The following VPS53 variants were observed in gnomAD, a reference collection of about 807,000 sequenced individuals.
The protein encoded by VPS53 is VPS53 subunit of GARP complex.
In VPS53, 70 loss-of-function variants were observed where a neutral mutation model predicts 107.0. The observed-to-expected ratio is 0.65, with a 90% confidence interval of 0.54 to 0.80. VPS53 has a LOEUF of 0.80. Ranked by LOEUF, VPS53 falls within the 30% of genes least tolerant of loss-of-function variation. VPS53 has a pLI of 0.00. For missense variants in VPS53, 917 were observed against 1,049.4 expected (o/e 0.87, Z 1.74); for synonymous variants, 409 against 393.3 (o/e 1.04, Z -0.47).
chr17:535,544 T>G (rs892776136), intron 18 of VPS53, among the ~76,000 whole-genome samples: 1 of 152,196 alleles, frequency 6.6e-6, no homozygotes, highest in Admixed American at 6.5e-5. Context: ...ACGCTGGGAC[T>G]GGCTAAGTCA....
At chr17:690,671 G>T (rs1306162816) in intron 4 of VPS53, among the ~76,000 whole-genome samples, 1 of 152,184 alleles carries the variant, frequency 6.6e-6, no homozygotes, top group Non-Finnish European at 1.5e-5. Context: ...AGCCAACCAT[G>T]TAATACGGCT....
chr17:593,055 G>C (rs1332086630), intron 12 of VPS53, among the ~76,000 whole-genome samples: 1 of 152,034 alleles, frequency 6.6e-6, no homozygotes, highest in East Asian at 1.9e-4. Context: ...ACAAGAAATG[G>C]GGAAAGGATT....
chr17:597,990 C>CCCACGGTCTCCCTCTCG (rs1567661908), intron 12 of VPS53, among the ~76,000 whole-genome samples: 1 of 22,186 alleles, frequency 4.5e-5, no homozygotes. Flanking sequence ...TCTCCCTCTC[C>CCCACGGTCTCCCTCTCG]CTCTCTTTCC....
At chr17:627,024 G>T (rs1008447477) in intron 10 of VPS53, 150 bp downstream of exon 10, 2 of 1,019,298 alleles carry the variant, frequency 2.0e-6, no homozygotes, top group Non-Finnish European at 1.4e-6. Context: ...CAGCTGGTGG[G>T]GCCACTGTGG....
At chr17:546,870 C>CTTTT (rs60940748) in intron 17 of VPS53, among the ~76,000 whole-genome samples, 3 of 83,334 alleles carry the variant, frequency 3.6e-5, no homozygotes, top group Non-Finnish European at 6.6e-5. Context: ...CCCTTAGATC[C>CTTTT]TTTTTTTTTT....
chr17:524,735 C>T lies in VPS53; in HGVS notation c.2086-2997G>A, dbSNP rs1490248491. Among the ~76,000 whole-genome samples the T allele has an allele frequency of 6.6e-6, 1 of 152,192 alleles. No homozygotes were observed. Among genetic ancestry groups the T allele is most frequent in the Non-Finnish European group, 1.5e-5 (1 of 68,034 alleles). On this transcript the variant is annotated intron_variant, in intron 19 of 21. Coordinates refer to ENST00000437048, the MANE Select transcript of VPS53 (RefSeq NM_001128159.3). The surrounding 1 kb of genome is among the most constrained non-coding windows in gnomAD (Gnocchi z 4.5). The stretch of plus-strand genomic sequence containing the variant: ...AGATTATTTGATAATCAAGTGTGGG[C>T]ACGGCCATGGCACTGAAATTCACAA...
intron 7 of VPS53, among the ~76,000 whole-genome samples, chr17:652,242 G>A (rs1383476760): frequency 6.6e-6 from 1 of 152,058 alleles, no homozygotes; most frequent in Non-Finnish European, 1.5e-5. Flanking sequence ...TGATCCACCC[G>A]CCTCGGCCTC....
Position 572,459 on chromosome 17 carries a change from G to C in VPS53, c.1314-9714C>G, listed in dbSNP as rs1185032739. Among the ~76,000 whole-genome samples the C allele has an allele frequency of 1.1e-4, 16 of 150,704 alleles. No homozygotes were observed. The East Asian group carries it at 3.1e-3, about 29-fold the overall frequency. On this transcript the variant is annotated intron_variant, in intron 13 of 21. Coordinates refer to ENST00000437048, the MANE Select transcript of VPS53 (RefSeq NM_001128159.3). Reference sequence around the variant, plus strand: ...GCCAGCCGCCCCATCCGGGAGGTGAGGGGCGCCTCTGCCCGGCCGCCCCTA... The same window carrying C: ...GCCAGCCGCCCCATCCGGGAGGTGACGGGCGCCTCTGCCCGGCCGCCCCTA...
intron 13 of VPS53, among the ~76,000 whole-genome samples, chr17:584,625 A>AT (rs1384755364): frequency 3.3e-5 from 5 of 151,916 alleles, no homozygotes; most frequent in African/African-American, 9.7e-5. Flanking sequence ...GGCTCCAGTG[A>AT]TTTTCCCACC....
At chr17:537,495 GC>G in intron 17 of VPS53, 1 of 228,376 alleles carries the variant, frequency 4.4e-6, no homozygotes, top group Non-Finnish European at 8.8e-6. Context: ...CCTGCCGAGT[GC>G]CCCACAGCAG....
At chr17:660,233 C>T (rs1472888365) in intron 5 of VPS53, among the ~76,000 whole-genome samples, 1 of 152,206 alleles carries the variant, frequency 6.6e-6, no homozygotes, top group East Asian at 1.9e-4. Context: ...TCAGTTTTCT[C>T]ATCTATAAGA....
intron 13 of VPS53, among the ~76,000 whole-genome samples, chr17:566,166 T>C (rs1179407722): frequency 5.0e-5 from 7 of 139,966 alleles, no homozygotes; most frequent in Non-Finnish European, 9.0e-5. Context: ...ATCCCGCCAC[T>C]GCACTCCAGC....
intron 17 of VPS53, among the ~76,000 whole-genome samples, chr17:542,024 A>C (rs908884030): frequency 6.6e-6 from 1 of 151,776 alleles, no homozygotes; most frequent in African/African-American, 2.4e-5. Context: ...TCAAGCACCT[A>C]CCACGCACCA....
chr17:653,251 T>G, intron 7 of VPS53, 40 bp downstream of exon 7: 1 of 1,595,992 alleles, frequency 6.3e-7, no homozygotes, highest in South Asian at 1.1e-5. Flanking sequence ...CTGCCGGATC[T>G]GCGGAATCCC....
chr17:560,459 G>A lies in VPS53; in HGVS notation c.1671C>T (p.Ser557=), dbSNP rs369429369. The A allele has an allele frequency of 6.2e-7, 1 of 1,612,738 alleles. No homozygotes were observed. Among genetic ancestry groups the A allele is most frequent in the Non-Finnish European group, 8.5e-7 (1 of 1,179,998 alleles). ...EELCLICNIL[S]TAEYCLATTQ... Reference sequence around the variant, plus strand: ...TGGTGGCCAGACAGTACTCTGCCGTGCTCAGGATGTTACAGATGAGGCAGA... The same window carrying A: ...TGGTGGCCAGACAGTACTCTGCCGTACTCAGGATGTTACAGATGAGGCAGA... Residue 557 remains serine (S), a synonymous_variant, in exon 15 of 22, where the codon AGC becomes AGT. Transcript: ENST00000437048.
chr17:583,424 C>T (rs1026860951), intron 13 of VPS53, among the ~76,000 whole-genome samples: 1 of 151,492 alleles, frequency 6.6e-6, no homozygotes, highest in African/African-American at 2.4e-5. Context: ...CTAATGCATT[C>T]CCAGAGACCT....
At chr17:573,566 A>C (rs1914357917) in intron 13 of VPS53, among the ~76,000 whole-genome samples, 1 of 152,176 alleles carries the variant, frequency 6.6e-6, no homozygotes, top group Non-Finnish European at 1.5e-5. Context: ...AGGAGTCCTG[A>C]AAAAGATGAG....
intron 13 of VPS53, among the ~76,000 whole-genome samples, chr17:565,182 A>C (rs1437211966): frequency 6.6e-6 from 1 of 151,976 alleles, no homozygotes; most frequent in Non-Finnish European, 1.5e-5. Context: ...CGGGTGGATC[A>C]CCTGTGGTCG....
chr17:644,432 C>T (rs894151499), intron 7 of VPS53, among the ~76,000 whole-genome samples: 2 of 152,064 alleles, frequency 1.3e-5, no homozygotes, highest in African/African-American at 2.4e-5. Flanking sequence ...ACCATCAGCA[C>T]GTAAACATAA....
Sources: gnomAD v4.1 joint callset for allele counts (sites outside exome capture counted in the v4.1 genomes callset) on GRCh38, gnomAD v4.1.1 for gene constraint, Gnocchi (gnomAD v3.1) non-coding constraint, MANE v1.5 for transcripts, NCBI Gene and HGNC (gene_info 2026-07-23, HGNC 2026-07-21) for gene names.